The following ABCC8 variants were observed in gnomAD, a reference collection of about 807,000 sequenced individuals.
ABCC8 encodes the protein ATP binding cassette subfamily C member 8, also known as ATP-binding cassette sub-family C member 8.
Under a neutral mutation model 188.0 loss-of-function variants are expected in ABCC8, and 137 were observed. The observed-to-expected ratio is 0.73, with a 90% CI of 0.63 to 0.84. The LOEUF (loss-of-function observed/expected upper bound fraction) is 0.84. Ranked by LOEUF, ABCC8 falls within the 40% of genes least tolerant of loss-of-function variation. The pLI is 0.00. For synonymous variants in ABCC8, 797 were observed against 846.5 expected, an observed-to-expected ratio of 0.94 and a Z score of 1.01; for missense variants, 1,750 against 2,072.7, an observed-to-expected ratio of 0.84 and a Z score of 3.02.
intron 4 of ABCC8, 117 bp downstream of exon 4, chr11:17,463,321 A>G: frequency 1.1e-6 from 1 of 917,354 alleles, no homozygotes; most frequent in South Asian, 1.5e-5. Context: ...GGGCGGGTAA[A>G]ACAAGCTGAT....
chr11:17,395,546 C>T (rs1953871355), intron 35 of ABCC8, 64 bp downstream of exon 35: 1 of 1,532,000 alleles, frequency 6.5e-7, no homozygotes, highest in African/African-American at 1.4e-5. Flanking sequence ...CCTCTTTGTG[C>T]TCCAGATCTG....
In ABCC8 at chr11:17,398,556, C is replaced by T. The variant is rs867794284; in HGVS notation, c.3651-115G>A. 138 of 1,553,182 alleles carry T rather than the reference C, an allele frequency of 8.9e-5. No individual in the cohort carries two copies. The Middle Eastern group carries it at 9.9e-4, about 11-fold the overall frequency. ...CCCCTCCAGTCCCCAGACATGCCAC[C>T]GTGGCCACTTCATGTAAGCTATCCC... On this transcript the variant is annotated intron_variant, in intron 29 of 38. Coordinates refer to ENST00000389817, the MANE Select transcript of ABCC8 (RefSeq NM_000352.6).
intron 12 of ABCC8, chr11:17,428,924 T>A: frequency 1.7e-6 from 1 of 603,142 alleles, no homozygotes; most frequent in Non-Finnish European, 2.9e-6. Flanking sequence ...TTAGGGTTAA[T>A]GTTGAAGTTA....
In ABCC8 at chr11:17,438,631, T is replaced by G. The variant is rs116661480; in HGVS notation, c.1630+4089A>C. Reference sequence around the variant, plus strand: ...AGGAACCACCTAGAGTTATGCTGCTTCCACAAGGAAAAAAAGATTGAACTG... The same window carrying G: ...AGGAACCACCTAGAGTTATGCTGCTGCCACAAGGAAAAAAAGATTGAACTG... On this transcript the variant is annotated intron_variant, in intron 10 of 38. Transcript: ENST00000389817. Among the ~76,000 whole-genome samples the G allele has an allele frequency of 9.4e-3, 1,425 of 152,276 alleles. 24 individuals carry two copies. The highest frequency in any genetic ancestry group is 0.032 in the African/African-American group (1,334 of 41,558).
chr11:17,432,098 G>A (rs1955873086), intron 11 of ABCC8, 106 bp downstream of exon 11: 2 of 1,416,490 alleles, frequency 1.4e-6, no homozygotes, highest in South Asian at 2.5e-5. Context: ...TGTGGAGCCT[G>A]TCTTCTGAGG....
At position 17,405,482 on chromosome 11, in the gene ABCC8, G is replaced by C. The variant is rs372561049; in HGVS notation, c.3399+12C>G. On this transcript the variant is annotated intron_variant, in intron 27 of 38. Coordinates refer to ENST00000389817, the MANE Select transcript of ABCC8 (RefSeq NM_000352.6). ...TCTGGAAGGGGGGATAGTGTGGCAC[G>C]GTCCTCTGTACCTGGTCGATGGTGT... The C allele has an allele frequency of 1.9e-6, 3 of 1,614,046 alleles. No homozygotes were observed. Among genetic ancestry groups the C allele is most frequent in the East Asian group, 2.2e-5 (1 of 44,892 alleles).
At chr11:17,450,011 C>G (rs1956698505) in intron 7 of ABCC8, among the ~76,000 whole-genome samples, 1 of 152,186 alleles carries the variant, frequency 6.6e-6, no homozygotes, top group Admixed American at 6.5e-5. Context: ...ACCAAGTGAT[C>G]TGTGAAATAA....
chr11:17,425,097 A>G (rs1955521807), intron 16 of ABCC8, among the ~76,000 whole-genome samples: 1 of 152,186 alleles, frequency 6.6e-6, no homozygotes, highest in Non-Finnish European at 1.5e-5. Context: ...AAGGCTGGAG[A>G]GGCAGTCGGA....
intron 6 of ABCC8, among the ~76,000 whole-genome samples, chr11:17,457,110 G>T (rs756967144): frequency 6.6e-6 from 1 of 152,174 alleles, no homozygotes; most frequent in South Asian, 2.1e-4. Flanking sequence ...TTGAAGGCAG[G>T]TACTCTAGGC....
At chr11:17,432,107 G>T in intron 11 of ABCC8, 97 bp downstream of exon 11, 2 of 1,455,382 alleles carry the variant, frequency 1.4e-6, no homozygotes, top group Non-Finnish European at 1.9e-6. Flanking sequence ...TGTCTTCTGA[G>T]GCCCCTGTGC....
At chr11:17,408,836 C>T (rs527366602) in intron 22 of ABCC8, among the ~76,000 whole-genome samples, 2 of 152,312 alleles carry the variant, frequency 1.3e-5, no homozygotes, top group South Asian at 2.1e-4. Context: ...TAAGTGGGCT[C>T]ATTGTACACT....
chr11:17,452,799 C>G (rs1305956287), intron 7 of ABCC8, among the ~76,000 whole-genome samples: 4 of 152,174 alleles, frequency 2.6e-5, no homozygotes, highest in African/African-American at 9.7e-5. Context: ...TTGCATTTAC[C>G]CTTGGTCAGA....
chr11:17,403,417 G>A (rs1954347680), intron 28 of ABCC8, among the ~76,000 whole-genome samples: 1 of 152,172 alleles, frequency 6.6e-6, no homozygotes, highest in Non-Finnish European at 1.5e-5. Flanking sequence ...TTCTCTGGCA[G>A]AAGAAATGAA....
rs4148623 is a variant in ABCC8, at chr11:17,427,178, T to C, written c.2117-24A>G. ...GCCTGCAGGGAGGGAGGGTGGCAGA[T>C]GTGAGTGGGGCCGGGGGAGTCTGAA... On this transcript the variant is annotated intron_variant, in intron 15 of 38. Coordinates refer to ENST00000389817, the MANE Select transcript of ABCC8 (RefSeq NM_000352.6). This position sits in a 1 kb window ranked among gnomAD's most constrained non-coding sequence, Gnocchi z 5.0. 1.9e-6 allele frequency: 3 copies of C among 1,605,276 alleles called. No individual in the cohort carries two copies. The highest frequency in any genetic ancestry group is 1.3e-5 in the African/African-American group (1 of 74,824).
At chr11:17,434,194 C>T (rs1007448107) in intron 10 of ABCC8, among the ~76,000 whole-genome samples, 1 of 152,200 alleles carries the variant, frequency 6.6e-6, no homozygotes, top group Non-Finnish European at 1.5e-5. Flanking sequence ...TGGCCCATCC[C>T]CATAAATAAC....
intron 29 of ABCC8, chr11:17,399,040 G>C (rs148561241): frequency 4.4e-5 from 7 of 160,280 alleles, no homozygotes; most frequent in African/African-American, 1.7e-4. Flanking sequence ...AGGCTGAGGC[G>C]GGCGGATCAC....
At chr11:17,434,465 G>C (rs1026286167) in intron 10 of ABCC8, among the ~76,000 whole-genome samples, 1 of 152,154 alleles carries the variant, frequency 6.6e-6, no homozygotes, top group Non-Finnish European at 1.5e-5. Context: ...CAGCAAGATG[G>C]TATTAGCTGC....
intron 7 of ABCC8, among the ~76,000 whole-genome samples, chr11:17,450,260 CTCTTTCTTTCTTTCTT>C (rs58452277): frequency 0.015 from 994 of 67,652 alleles, 10 homozygotes; most frequent in South Asian, 0.02. Flanking sequence ...TTCTTTCTTT[CTCTTTCTTTCTTTCTT>C]TCTTTCTTTC....
chr11:17,419,380 C>T (rs533979451), intron 16 of ABCC8, among the ~76,000 whole-genome samples: 163 of 152,324 alleles, frequency 1.1e-3, no homozygotes, highest in Middle Eastern at 6.8e-3. Context: ...CAGAGGCTGC[C>T]TTCCAGGGGC....
Sources: gnomAD v4.1 joint callset for allele counts (sites outside exome capture counted in the v4.1 genomes callset) on GRCh38, gnomAD v4.1.1 for gene constraint, Gnocchi (gnomAD v3.1) non-coding constraint, MANE v1.5 for transcripts, NCBI Gene and HGNC (gene_info 2026-07-23, HGNC 2026-07-21) for gene names.